The following MIPEP variants were observed in gnomAD, a reference collection of about 807,000 sequenced individuals.
The protein encoded by MIPEP is mitochondrial intermediate peptidase.
Under a neutral mutation model 90.3 loss-of-function variants are expected in MIPEP, and 79 were observed. That is an observed-to-expected ratio of 0.87 (90% CI 0.73 to 1.05). The LOEUF (loss-of-function observed/expected upper bound fraction) is 1.05, where lower values mean the gene tolerates loss of function less well. Among genes scored for constraint, MIPEP ranks in the 50% least tolerant of loss-of-function variants. The pLI, the probability that MIPEP is intolerant of heterozygous loss-of-function variation, is 0.00. For synonymous variants in MIPEP, 334 were observed against 315.8 expected (o/e 1.06, Z -0.61); for missense variants, 940 against 905.6 (o/e 1.04, Z -0.49).
chr13:23,798,164 G>C (rs1027914596), intron 16 of MIPEP, among the ~76,000 whole-genome samples: 6 of 152,148 alleles, frequency 3.9e-5, no homozygotes, highest in African/African-American at 1.4e-4. Context: ...GCAAATTATT[G>C]TACAACTATT....
chr13:23,853,774 G>C (rs1267500540), intron 10 of MIPEP, among the ~76,000 whole-genome samples: 1 of 151,620 alleles, frequency 6.6e-6, no homozygotes, highest in Non-Finnish European at 1.5e-5. Context: ...CACTATGTTG[G>C]CCAGGCTGGT....
chr13:23,767,035 C>CT (rs1247338888), intron 16 of MIPEP, among the ~76,000 whole-genome samples: 2 of 152,214 alleles, frequency 1.3e-5, no homozygotes, highest in African/African-American at 4.8e-5. Context: ...ACCCTGGAAC[C>CT]TGGGGGGCCC....
chr13:23,838,341 T>G (rs1315456146), intron 12 of MIPEP, among the ~76,000 whole-genome samples: 2 of 151,714 alleles, frequency 1.3e-5, no homozygotes, highest in African/African-American at 4.9e-5. Context: ...ACAGATGGAG[T>G]CTTACTATGT....
At chr13:23,735,320 C>T (rs1021099387) in intron 18 of MIPEP, among the ~76,000 whole-genome samples, 4 of 152,168 alleles carry the variant, frequency 2.6e-5, no homozygotes, top group Non-Finnish European at 4.4e-5. Context: ...TTTCCCTTCC[C>T]TCTTGCTTCT....
At chr13:23,772,120 G>C (rs761639093) in intron 16 of MIPEP, among the ~76,000 whole-genome samples, 1 of 152,196 alleles carries the variant, frequency 6.6e-6, no homozygotes, top group South Asian at 2.1e-4. Context: ...CCCAGGGCTT[G>C]TGACAGTATG....
chr13:23,850,257 C>T (rs1869742281), intron 10 of MIPEP, among the ~76,000 whole-genome samples: 1 of 152,186 alleles, frequency 6.6e-6, no homozygotes, highest in South Asian at 2.1e-4. Context: ...CATGTTATAG[C>T]TGGGTGACAT....
intron 16 of MIPEP, among the ~76,000 whole-genome samples, chr13:23,778,104 C>G (rs1795304397): frequency 6.6e-6 from 1 of 152,108 alleles, no homozygotes; most frequent in Admixed American, 6.6e-5. Context: ...TTGTATAAAT[C>G]ATTTCAAATA....
chr13:23,827,285 A>C (rs1868505984), intron 14 of MIPEP, among the ~76,000 whole-genome samples: 1 of 152,252 alleles, frequency 6.6e-6, no homozygotes, highest in South Asian at 2.1e-4. Context: ...GAAGGATAAA[A>C]GAATGCTATA....
At chr13:23,882,060 ATTCT>A (rs66620392) in intron 2 of MIPEP, among the ~76,000 whole-genome samples, 26,177 of 145,872 alleles carry the variant, frequency 0.18, 2,122 homozygotes, top group East Asian at 0.41. Context: ...CACCAAGCAA[ATTCT>A]TTCTTTCTTT....
At chr13:23,760,897 CA>C (rs1448392556) in intron 16 of MIPEP, among the ~76,000 whole-genome samples, 2 of 152,022 alleles carry the variant, frequency 1.3e-5, no homozygotes, top group Non-Finnish European at 2.9e-5. Flanking sequence ...ACAGTAAAGT[CA>C]GGAGTTTATT....
At chr13:23,864,271 A>C (rs748999343) in intron 7 of MIPEP, 82 bp from the exon 8 acceptor site, 5 of 960,296 alleles carry the variant, frequency 5.2e-6, no homozygotes, top group Non-Finnish European at 7.8e-6. Flanking sequence ...TGTGATGATC[A>C]TAATCTATAT....
intron 12 of MIPEP, 45 bp from the exon 13 acceptor site, chr13:23,837,801 A>G (rs1487213063): frequency 6.8e-7 from 1 of 1,474,806 alleles, no homozygotes; most frequent in Non-Finnish European, 9.5e-7. Flanking sequence ...GTATTTGGTA[A>G]TGTGAAGAGT....
At chr13:23,777,387 G>A (rs1952730652) in intron 16 of MIPEP, among the ~76,000 whole-genome samples, 3 of 152,180 alleles carry the variant, frequency 2.0e-5, no homozygotes, top group Admixed American at 1.3e-4. Flanking sequence ...TATAAACTAT[G>A]TTTTGCTAAC....
At chr13:23,837,447 C>T (rs574356348) in intron 13 of MIPEP, 105 bp downstream of exon 13, 45 of 875,516 alleles carry the variant, frequency 5.1e-5, no homozygotes, top group African/African-American at 2.6e-4. Context: ...CCACAGGACA[C>T]GGTAAAATGA....
intron 18 of MIPEP, among the ~76,000 whole-genome samples, chr13:23,735,261 G>A (rs1414529735): frequency 1.3e-5 from 2 of 152,174 alleles, no homozygotes; most frequent in African/African-American, 4.8e-5. Context: ...TCCCTCTCTT[G>A]GCTTTGGAGC....
intron 16 of MIPEP, among the ~76,000 whole-genome samples, chr13:23,791,230 T>C (rs1197341460): frequency 6.6e-6 from 1 of 152,142 alleles, no homozygotes; most frequent in Admixed American, 6.5e-5. Context: ...ACCACAGCCC[T>C]GGTGAAAGCT....
At chr13:23,871,951 A>AT (rs1367001292) in intron 5 of MIPEP, among the ~76,000 whole-genome samples, 3 of 152,210 alleles carry the variant, frequency 2.0e-5, no homozygotes, top group African/African-American at 7.2e-5. Flanking sequence ...TACTTTGAAG[A>AT]TTTTATCTAC....
chr13:23,735,527 T>C (rs1952252799), intron 18 of MIPEP, among the ~76,000 whole-genome samples: 1 of 152,060 alleles, frequency 6.6e-6, no homozygotes. Context: ...CTCAACAAAC[T>C]GCCAATATAA....
chr13:23,747,816 C>G (rs915164419), intron 18 of MIPEP, among the ~76,000 whole-genome samples: 2 of 152,206 alleles, frequency 1.3e-5, no homozygotes, highest in Non-Finnish European at 2.9e-5. Context: ...TTTCGGCTCA[C>G]CACAACCTCT....
Sources: gnomAD v4.1 joint callset for allele counts (sites outside exome capture counted in the v4.1 genomes callset) on GRCh38, gnomAD v4.1.1 for gene constraint, MANE v1.5 for transcripts, NCBI Gene and HGNC (gene_info 2026-07-23, HGNC 2026-07-21) for gene names.